Variants in TRPM6 observed in about 807,000 individuals in gnomAD.
TRPM6 encodes the protein channel kinase 2.
TRPM6 carries 111 observed loss-of-function variants against 247.6 expected under a neutral mutation model. That is an observed-to-expected ratio of 0.45 (90% CI 0.38 to 0.52). The LOEUF is 0.52. TRPM6 is among the 20% of genes least tolerant of loss of function. TRPM6 has a pLI of 0.00. For synonymous variants in TRPM6, 892 were observed against 853.8 expected, an observed-to-expected ratio of 1.04 and a Z score of -0.78; for missense variants, 2,126 against 2,421.5, an observed-to-expected ratio of 0.88 and a Z score of 2.56.
At position 74,842,330 on chromosome 9, in the gene TRPM6, G is replaced by A. The variant is rs121912624; in HGVS notation, c.166C>T (p.Arg56Ter). The change falls in exon 4 of 39, where the codon CGA (arginine) becomes TGA (stop). Residue 56 changes from arginine to a stop codon, truncating the protein, a stop_gained. Coordinates refer to ENST00000360774, the MANE Select transcript of TRPM6 (RefSeq NM_017662.5). LOFTEE classifies it high-confidence loss of function. ...ATCCCAGCATGGTCTCCAATCAGTC[G>A]GCCACAGTAACACCTTAAATTCAAG... ...CQNLIRCYCG[R>*]LIGDHAGIDY... 1.5e-5 allele frequency: 24 copies of A among 1,613,866 alleles called. No homozygotes were observed. The highest frequency in any genetic ancestry group is 3.3e-5 in the Admixed American group (2 of 59,982).
intron 30 of TRPM6, among the ~76,000 whole-genome samples, chr9:74,748,590 TA>T (rs1391420469): frequency 2.6e-5 from 4 of 152,170 alleles, no homozygotes; most frequent in African/African-American, 9.7e-5. Context: ...TTCATATTTT[TA>T]AAAAGTGTAA....
intron 28 of TRPM6, 39 bp downstream of exon 28, chr9:74,755,314 C>A: frequency 6.2e-7 from 1 of 1,611,386 alleles, no homozygotes; most frequent in Non-Finnish European, 8.5e-7. Flanking sequence ...GAAAACCCCA[C>A]CAGGGTTTTT....
Position 74,861,708 on chromosome 9 carries a change from G to A in TRPM6, c.34-2960C>T, listed in dbSNP as rs1351296242. On this transcript the variant is annotated intron_variant, in intron 1 of 38. Transcript: ENST00000360774. ...ACTTATTAAGTCTGAATAAAGCTCAGGTATTATTACTAGCAATATTAAAAG... is the reference window on the plus strand; with the variant it reads ...ACTTATTAAGTCTGAATAAAGCTCAAGTATTATTACTAGCAATATTAAAAG... Among the ~76,000 whole-genome samples the A allele has an allele frequency of 3.3e-5, 5 of 152,068 alleles. No individual in the cohort carries two copies. In the South Asian group the frequency reaches 1.0e-3, roughly 32 times the overall value.
At chr9:74,804,003 A>T in intron 14 of TRPM6, 117 bp from the exon 15 acceptor site, 1 of 747,412 alleles carries the variant, frequency 1.3e-6, no homozygotes. Context: ...CTAGACAATA[A>T]TGAAAACCAA....
chr9:74,822,644 ATT>A (rs1829171583), intron 7 of TRPM6, among the ~76,000 whole-genome samples: 1 of 151,934 alleles, frequency 6.6e-6, no homozygotes, highest in Admixed American at 6.6e-5. Flanking sequence ...TTCATTTTTT[ATT>A]GTTTGAATTT....
At chr9:74,800,119 A>G in intron 17 of TRPM6, 135 bp downstream of exon 17, 1 of 808,726 alleles carries the variant, frequency 1.2e-6, no homozygotes, top group East Asian at 2.7e-5. Context: ...GTCCCCTGCT[A>G]GAACCTCCAA....
intron 36 of TRPM6, among the ~76,000 whole-genome samples, chr9:74,736,042 G>A (rs17060437): frequency 0.071 from 10,809 of 152,216 alleles, 557 homozygotes; most frequent in South Asian, 0.22. Context: ...AGCTGAGGGC[G>A]GACTCCCTGC....
At chr9:74,776,184 G>C in intron 23 of TRPM6, 108 bp from the exon 24 acceptor site, 1 of 941,064 alleles carries the variant, frequency 1.1e-6, no homozygotes, top group Non-Finnish European at 1.7e-6. Context: ...ATTACCGGCA[G>C]TTACCCAATA....
chr9:74,814,026 G>C (rs1828834462), intron 11 of TRPM6, among the ~76,000 whole-genome samples: 1 of 152,178 alleles, frequency 6.6e-6, no homozygotes, highest in African/African-American at 2.4e-5. Context: ...GAATCTGAGA[G>C]GTGGACATTG....
In TRPM6 at chr9:74,723,852, TATATATATAATATATATATTCC is replaced by T. The variant is rs1299012713; in HGVS notation, c.*739_*760del. 2 of 145,290 alleles carry T rather than the reference TATATATATAATATATATATTCC, an allele frequency of 1.4e-5. No homozygotes were observed. The highest frequency in any genetic ancestry group is 3.0e-5 in the Non-Finnish European group (2 of 66,942). The allele number at this position is 145,290 out of a possible 1,614,324, so 9.0% of individuals were successfully genotyped here. ...AAATATATATATTCCATATGTATTT[TATATATATAATATATATATTCC>T]ATATATATTATATATATAAAAATAT... On this transcript the variant is annotated 3_prime_UTR_variant, in exon 39 of 39. Transcript: ENST00000360774.
At chr9:74,786,794 C>T (rs1307827114) in intron 20 of TRPM6, among the ~76,000 whole-genome samples, 1 of 152,216 alleles carries the variant, frequency 6.6e-6, no homozygotes, top group Admixed American at 6.5e-5. Flanking sequence ...TGTATAGCTA[C>T]GATTTCATTT....
chr9:74,878,936 G>C (rs554843602), intron 1 of TRPM6, among the ~76,000 whole-genome samples: 1 of 152,070 alleles, frequency 6.6e-6, no homozygotes, highest in Admixed American at 6.6e-5. Context: ...ATCTGCCATT[G>C]AGCTATGATT....
At chr9:74,789,435 CA>C (rs1193998875) in intron 19 of TRPM6, among the ~76,000 whole-genome samples, 1 of 152,176 alleles carries the variant, frequency 6.6e-6, no homozygotes, top group Non-Finnish European at 1.5e-5. Context: ...CATATAGATA[CA>C]TAGTGATTAA....
At chr9:74,821,879 C>A in intron 7 of TRPM6, 42 bp from the exon 8 acceptor site, 1 of 1,612,100 alleles carries the variant, frequency 6.2e-7, no homozygotes. Flanking sequence ...TAGAGAATCC[C>A]TAGCTCAGCC....
chr9:74,879,240 C>T (rs7858012), intron 1 of TRPM6, among the ~76,000 whole-genome samples: 11,509 of 151,058 alleles, frequency 0.076, 526 homozygotes, highest in African/African-American at 0.11. Context: ...ATATGAGCAC[C>T]TGAAAACAAG....
At chr9:74,860,340 A>C (rs987538781) in intron 1 of TRPM6, among the ~76,000 whole-genome samples, 1 of 151,972 alleles carries the variant, frequency 6.6e-6, no homozygotes, top group African/African-American at 2.4e-5. Context: ...TTATTTATTT[A>C]TTTTTATTTT....
intron 24 of TRPM6, among the ~76,000 whole-genome samples, chr9:74,774,910 A>G (rs1025444747): frequency 1.3e-5 from 2 of 152,206 alleles, no homozygotes; most frequent in Admixed American, 1.3e-4. Context: ...ATTTGTGAAG[A>G]AAAAAGGATT....
chr9:74,760,638 T>A (rs191595540), intron 27 of TRPM6, among the ~76,000 whole-genome samples: 3 of 152,238 alleles, frequency 2.0e-5, no homozygotes, highest in African/African-American at 7.2e-5. Flanking sequence ...TACCATGAGA[T>A]ACCACTACAC....
At chr9:74,771,065 T>G (rs1312619781) in intron 25 of TRPM6, among the ~76,000 whole-genome samples, 1 of 151,990 alleles carries the variant, frequency 6.6e-6, no homozygotes, top group Non-Finnish European at 1.5e-5. Flanking sequence ...TACCTCCTCC[T>G]CCCCTCTGGC....
Sources: allele counts gnomAD v4.1 joint callset (sites outside exome capture counted in the v4.1 genomes callset), GRCh38; gene constraint gnomAD v4.1.1; transcripts MANE v1.5; gene names NCBI Gene and HGNC (gene_info 2026-07-23, HGNC 2026-07-21).